Variants in PDE1C observed in about 807,000 individuals in gnomAD.
PDE1C encodes the protein dual specificity calcium/calmodulin-dependent 3',5'-cyclic nucleotide phosphodiesterase 1C.
In PDE1C, 62 loss-of-function variants were observed where a neutral mutation model predicts 93.1. The observed-to-expected ratio is 0.67, with a 90% CI of 0.54 to 0.82. PDE1C has a LOEUF of 0.82. Among genes scored for constraint, PDE1C ranks in the 40% least tolerant of loss-of-function variants. PDE1C has a pLI of 0.00. For missense variants in PDE1C, 742 were observed against 884.6 expected, an observed-to-expected ratio of 0.84 and a Z score of 2.04; for synonymous variants, 325 against 310.1, an observed-to-expected ratio of 1.05 and a Z score of -0.50.
chr7:31,658,021 AAG>A, the PDE1C span, among the ~76,000 whole-genome samples: 1 of 152,192 alleles, frequency 6.6e-6, no homozygotes, highest in Non-Finnish European at 1.5e-5. Flanking sequence ...TTGAATAGGT[AAG>A]ATCAATTTGA....
chr7:31,778,873 G>C (rs1052897491), intron 16 of PDE1C, among the ~76,000 whole-genome samples: 1 of 152,174 alleles, frequency 6.6e-6, no homozygotes, highest in Admixed American at 6.5e-5. Flanking sequence ...ATGTTACTGA[G>C]TGTTGTGGGA....
intron 11 of PDE1C, among the ~76,000 whole-genome samples, chr7:31,832,771 C>T (rs1790573617): frequency 6.6e-6 from 1 of 152,200 alleles, no homozygotes; most frequent in Admixed American, 6.5e-5. Context: ...CATATTGCCT[C>T]TAGCACATTT....
chr7:31,621,370 A>AC, the PDE1C span, among the ~76,000 whole-genome samples: 22,189 of 22,260 alleles, frequency 1, 11,061 homozygotes, highest in Middle Eastern at 1. Flanking sequence ...AGGTCGGGTT[A>AC]CCTCAAAGGG....
At chr7:32,159,772 A>T (rs11768360) in intron 3 of PDE1C, among the ~76,000 whole-genome samples, 6,460 of 150,544 alleles carry the variant, frequency 0.043, 271 homozygotes, top group South Asian at 0.18. Context: ...CTCTGGAGGG[A>T]TATCCGCCCA....
intron 3 of PDE1C, among the ~76,000 whole-genome samples, chr7:32,093,201 G>C (rs1797570439): frequency 6.6e-6 from 1 of 152,222 alleles, no homozygotes; most frequent in African/African-American, 2.4e-5. Flanking sequence ...AGAAGAGCAA[G>C]CTCTTTCCCA....
intron 3 of PDE1C, among the ~76,000 whole-genome samples, chr7:32,086,234 T>C: frequency 6.8e-6 from 1 of 147,182 alleles, no homozygotes; most frequent in Non-Finnish European, 1.5e-5. Flanking sequence ...AGCCAAATCA[T>C]GAGTGAACTC....
Position 31,865,038 on chromosome 7 carries a change from C to T in PDE1C, c.654G>A (p.Val218=). The change falls in exon 7 of 18, where the codon GTG becomes GTA. Residue 218 remains valine, a synonymous_variant. Coordinates refer to ENST00000396191, the MANE Select transcript of PDE1C (RefSeq NM_001191057.4). ...AAGGATTTTTGTGCTTGCTGTATCC[C>T]ACTTCCAGGGCCTCCACAAATGAGA... The part of the protein sequence containing the change: ...ALVSFVEALE[V]GYSKHKNPYH... 6.2e-7 allele frequency: 1 copy of T among 1,614,038 alleles called. No homozygotes were observed. Among genetic ancestry groups the T allele is most frequent in the Non-Finnish European group, 8.5e-7 (1 of 1,179,970 alleles).
At chr7:31,744,339 A>G in the PDE1C span, among the ~76,000 whole-genome samples, 2 of 152,186 alleles carry the variant, frequency 1.3e-5, no homozygotes, top group South Asian at 4.1e-4. Flanking sequence ...GAAGAAACAA[A>G]CCTATACAGA....
At chr7:32,301,971 C>T (rs993126669), upstream of PDE1C, among the ~76,000 whole-genome samples, 1 of 152,182 alleles carries the variant, frequency 6.6e-6, no homozygotes. Context: ...ATTAAAACTA[C>T]ATGAAACTTG....
intron 11 of PDE1C, among the ~76,000 whole-genome samples, chr7:31,836,704 T>A (rs1296734734): frequency 1.3e-5 from 2 of 152,190 alleles, no homozygotes; most frequent in Non-Finnish European, 1.5e-5. Context: ...ACAACTGGAA[T>A]GGCAGTTTCT....
At chr7:31,945,042 A>C (rs4723119) in intron 2 of PDE1C, among the ~76,000 whole-genome samples, 2 of 151,918 alleles carry the variant, frequency 1.3e-5, no homozygotes, top group Non-Finnish European at 2.9e-5. Context: ...TTGATTATAC[A>C]TCTTTTTAAA....
At chr7:32,417,616 T>C (rs912133903) in intron 1 of PDE1C, among the ~76,000 whole-genome samples, 1 of 150,268 alleles carries the variant, frequency 6.7e-6, no homozygotes, top group African/African-American at 2.5e-5. Context: ...ATAAGCAATA[T>C]TAACTCCCAG....
chr7:32,083,673 C>A (rs1563297404), intron 3 of PDE1C, among the ~76,000 whole-genome samples: 1 of 152,114 alleles, frequency 6.6e-6, no homozygotes, highest in African/African-American at 2.4e-5. Context: ...CTCTACAAGC[C>A]AGAAGAGAGT....
chr7:32,004,014 G>A (rs542892075), intron 2 of PDE1C, among the ~76,000 whole-genome samples: 1 of 151,916 alleles, frequency 6.6e-6, no homozygotes, highest in African/African-American at 2.4e-5. Context: ...TGTATGGAAT[G>A]TAACGTGGCT....
downstream of PDE1C, among the ~76,000 whole-genome samples, chr7:31,747,853 A>G (rs1358314991): frequency 6.3e-5 from 3 of 47,286 alleles, no homozygotes; most frequent in Non-Finnish European, 1.5e-4. Context: ...TCTGCAAAAC[A>G]TCTCAAAAAA....
At chr7:32,247,776 A>G (rs1809074930) in intron 1 of PDE1C, among the ~76,000 whole-genome samples, 1 of 152,208 alleles carries the variant, frequency 6.6e-6, no homozygotes, top group Admixed American at 6.5e-5. Context: ...AACCTGTTCA[A>G]GGTAGGCCAG....
chr7:32,313,646 C>T (rs933597501), intron 1 of PDE1C, among the ~76,000 whole-genome samples: 6 of 151,480 alleles, frequency 4.0e-5, no homozygotes, highest in Non-Finnish European at 5.9e-5. Context: ...AGCAAACTAT[C>T]GCAAGGACAA....
chr7:31,951,784 G>A (rs2129015483), intron 2 of PDE1C, among the ~76,000 whole-genome samples: 1 of 152,258 alleles, frequency 6.6e-6, no homozygotes, highest in Non-Finnish European at 1.5e-5. Context: ...GTGTGTGGGA[G>A]AACTGGGTTT....
chr7:32,285,988 GC>G (rs1030587795), intron 1 of PDE1C, among the ~76,000 whole-genome samples: 32 of 152,284 alleles, frequency 2.1e-4, no homozygotes, highest in African/African-American at 7.2e-4. Context: ...AAGCCCACAT[GC>G]TTTTCAAGGA....
Sources: gnomAD v4.1 joint callset for allele counts (sites outside exome capture counted in the v4.1 genomes callset) on GRCh38, gnomAD v4.1.1 for gene constraint, MANE v1.5 for transcripts, NCBI Gene and HGNC (gene_info 2026-07-23, HGNC 2026-07-21) for gene names.